Variants in CDH2 observed in about 807,000 individuals in gnomAD.
The protein encoded by CDH2 is cadherin 2, also known as cadherin-2.
In CDH2, 17 loss-of-function variants were observed where a neutral mutation model predicts 92.0. That is an observed-to-expected ratio of 0.18 (90% CI 0.13 to 0.28). CDH2 has a LOEUF of 0.28. CDH2 is among the 10% of genes least tolerant of loss of function. The pLI is 1.00. For missense variants in CDH2, 862 were observed against 1,133.1 expected (o/e 0.76, Z 3.44); for synonymous variants, 419 against 415.9 (o/e 1.01, Z -0.09).
chr18:28,081,373 T>G (rs980371766), intron 2 of CDH2, among the ~76,000 whole-genome samples: 1 of 152,222 alleles, frequency 6.6e-6, no homozygotes, highest in East Asian at 1.9e-4. Context: ...TTAATTCATT[T>G]ATCCTTGAAA....
At chr18:28,030,570 T>C (rs952795061) in intron 2 of CDH2, among the ~76,000 whole-genome samples, 4 of 151,964 alleles carry the variant, frequency 2.6e-5, no homozygotes, top group Admixed American at 1.3e-4. Context: ...TGAACCAGTA[T>C]AAATTGCTGC....
Position 27,986,988 on chromosome 18 carries a change from C to T in CDH2, c.1742-1227G>A, listed in dbSNP as rs182807115. ...TCATTAACGAACAGAGCTGGGGCTC[C>T]AAGTCTAGCCTTGTGGCTTAAAGGA... On this transcript the variant is annotated intron_variant, in intron 11 of 15. Transcript: ENST00000269141. Among the ~76,000 whole-genome samples, 3 of 152,326 alleles carry T rather than the reference C, an allele frequency of 2.0e-5. No individual in the cohort carries two copies. The East Asian group carries it at 5.8e-4, about 29-fold the overall frequency.
chr18:28,067,987 A>G (rs779965179), intron 2 of CDH2, among the ~76,000 whole-genome samples: 52 of 152,214 alleles, frequency 3.4e-4, no homozygotes, highest in Non-Finnish European at 6.3e-4. Context: ...ATCAAAATAA[A>G]GCTGAATAAA....
intron 2 of CDH2, chr18:28,097,349 G>A (rs937344405): frequency 3.4e-5 from 5 of 145,516 alleles, no homozygotes; most frequent in Admixed American, 7.2e-5. Context: ...AGGAAATACA[G>A]CTATGGAGTT....
intron 2 of CDH2, among the ~76,000 whole-genome samples, chr18:28,074,565 G>A (rs988792111): frequency 6.6e-6 from 1 of 151,788 alleles, no homozygotes; most frequent in Non-Finnish European, 1.5e-5. Context: ...GTTTTTTTGG[G>A]TGTGTTTAAA....
At chr18:28,135,194 G>A (rs1205963699) in intron 2 of CDH2, among the ~76,000 whole-genome samples, 3 of 152,146 alleles carry the variant, frequency 2.0e-5, no homozygotes, top group African/African-American at 2.4e-5. Flanking sequence ...AGTAAAAAAT[G>A]CTATGCAAAT....
chr18:28,137,410 A>G, intron 2 of CDH2, among the ~76,000 whole-genome samples: 1 of 152,194 alleles, frequency 6.6e-6, no homozygotes, highest in East Asian at 1.9e-4. Flanking sequence ...CTTAATCCAC[A>G]TTGAAGAGGG....
chr18:27,943,425 T>G (rs1434419952), intron 6 of CDH2, among the ~76,000 whole-genome samples: 1 of 152,208 alleles, frequency 6.6e-6, no homozygotes, highest in Admixed American at 6.5e-5. Context: ...CCTTAATATG[T>G]ATTTCATAGA....
chr18:27,996,854 T>C (rs2012599485), intron 7 of CDH2, among the ~76,000 whole-genome samples: 1 of 152,208 alleles, frequency 6.6e-6, no homozygotes, highest in Admixed American at 6.5e-5. Flanking sequence ...CATCTTCTAT[T>C]CACATGGATA....
At chr18:28,129,633 G>C (rs892682638) in intron 2 of CDH2, among the ~76,000 whole-genome samples, 17 of 152,278 alleles carry the variant, frequency 1.1e-4, no homozygotes, top group African/African-American at 4.1e-4. Flanking sequence ...TTTGAGAACA[G>C]CCTGGACAAC....
chr18:28,033,535 G>A (rs951119607), intron 2 of CDH2, among the ~76,000 whole-genome samples: 1 of 151,826 alleles, frequency 6.6e-6, no homozygotes, highest in South Asian at 2.1e-4. Context: ...TCTGACAGCA[G>A]GATTAAGTGT....
Position 27,951,181 on chromosome 18 carries a change from C to G in CDH2, c.*972G>C, listed in dbSNP as rs1443185923. ...CTTTCCTTTTTTTTTTTTTTTGGTA[C>G]AAATTATGTAAAACATTTGTGCTAA... On this transcript the variant is annotated 3_prime_UTR_variant, in exon 16 of 16. Transcript: ENST00000269141. The G allele has an allele frequency of 1.6e-5, 2 of 126,896 alleles. No individual in the cohort carries two copies. Among genetic ancestry groups the G allele is most frequent in the East Asian group, 4.6e-4 (2 of 4,346 alleles). The allele number at this position is 126,896 out of a possible 1,614,324, so 7.9% of individuals were successfully genotyped here. A position where few individuals can be genotyped will look rare whatever the true frequency, so the allele number is the denominator to read the frequency against.
At position 28,176,946 on chromosome 18, in the gene CDH2, CG is replaced by C; in HGVS notation, c.60+16del. On this transcript the variant is annotated intron_variant, in intron 1 of 15. Transcript: ENST00000269141. ...CCCACCCCGCCCGTGGCCCGGCCCG[CG>C]GGGACCGCCGCGTACCTGAAGCAGG... The C allele has an allele frequency of 7.7e-7, 1 of 1,300,652 alleles. No homozygotes were observed. The highest frequency in any genetic ancestry group is 9.8e-7 in the Non-Finnish European group (1 of 1,024,822). 80.6% of individuals were successfully genotyped at this position (1,300,652 alleles called of 1,614,324 possible). A position where few individuals can be genotyped will look rare whatever the true frequency, so the allele number is the denominator to read the frequency against.
chr18:27,985,681 G>C lies in CDH2; in HGVS notation c.1822C>G (p.Gln608Glu). ...GGAGTTTCGCAAGTCTCTGCCTCTT[G>C]AGGTAACACTTGAGGGGCATTGTCA... ...INDNAPQVLP[Q>E]EAETCETPDP... Residue 608 changes from glutamine (Q) to glutamate (E), a missense_variant, in exon 12 of 16, where the codon CAA becomes GAA. Transcript: ENST00000269141. 6.2e-7 allele frequency: 1 copy of C among 1,613,838 alleles called. No individual in the cohort carries two copies. Among genetic ancestry groups the C allele is most frequent in the Admixed American group, 1.7e-5 (1 of 60,006 alleles).
In CDH2 at chr18:28,177,053, G is replaced by A; in HGVS notation, c.-31C>T. On this transcript the variant is annotated 5_prime_UTR_variant, in exon 1 of 16. Coordinates refer to ENST00000269141, the MANE Select transcript of CDH2 (RefSeq NM_001792.5). ...CGGAGAGGGGCCGAGCGAAGAGCCG[G>A]AGGAGGCGGCGGCGGCGGCGGCGGC... is the stretch of plus-strand genomic sequence containing the variant. The A allele has an allele frequency of 6.8e-7, 1 of 1,469,300 alleles. No individual in the cohort carries two copies. Among genetic ancestry groups the A allele is most frequent in the Non-Finnish European group, 9.0e-7 (1 of 1,111,248 alleles). The allele number at this position is 1,469,300 out of a possible 1,614,324, so 91.0% of individuals were successfully genotyped here. A position where few individuals can be genotyped will look rare whatever the true frequency, so the allele number is the denominator to read the frequency against.
chr18:28,161,649 G>A (rs1353832399), intron 1 of CDH2, among the ~76,000 whole-genome samples: 1 of 150,358 alleles, frequency 6.7e-6, no homozygotes, highest in Non-Finnish European at 1.5e-5. Flanking sequence ...GAATAAGTCT[G>A]TCCTGACAGA....
At chr18:28,157,585 A>G (rs2016239849) in intron 1 of CDH2, among the ~76,000 whole-genome samples, 2 of 152,160 alleles carry the variant, frequency 1.3e-5, no homozygotes, top group South Asian at 4.1e-4. Context: ...AACCACTACA[A>G]CTTCCATTAG....
At chr18:27,958,180 G>T (rs776462996) in intron 15 of CDH2, among the ~76,000 whole-genome samples, 1 of 152,124 alleles carries the variant, frequency 6.6e-6, no homozygotes, top group Non-Finnish European at 1.5e-5. Context: ...AGAGCTGTTA[G>T]GTGGGATGGC....
chr18:28,007,500 A>G lies in CDH2; in HGVS notation c.703-1507T>C, dbSNP rs551299596. On this transcript the variant is annotated intron_variant, in intron 5 of 15. Coordinates refer to ENST00000269141, the MANE Select transcript of CDH2 (RefSeq NM_001792.5). ...AAAAAGCTTCAACATATCCTTTTTT[A>G]AATTCAGAGGTTATTTAAACACATA... Among the ~76,000 whole-genome samples the G allele has an allele frequency of 5.2e-4, 79 of 152,186 alleles. 1 individual carries two copies. The highest frequency in any genetic ancestry group is 1.9e-3 in the African/African-American group (78 of 41,556).
Sources: allele counts gnomAD v4.1 joint callset (sites outside exome capture counted in the v4.1 genomes callset), GRCh38; gene constraint gnomAD v4.1.1; transcripts MANE v1.5; gene names NCBI Gene and HGNC (gene_info 2026-07-23, HGNC 2026-07-21).